The following NEDD9 variants were observed in gnomAD, a reference collection of about 807,000 sequenced individuals.
NEDD9 encodes the protein enhancer of filamentation 1.
Under a neutral mutation model 76.6 loss-of-function variants are expected in NEDD9, and 26 were observed. The observed-to-expected ratio is 0.34, with a 90% CI of 0.25 to 0.47. NEDD9 has a LOEUF of 0.47. Among genes scored for constraint, NEDD9 ranks in the 20% least tolerant of loss-of-function variants. The probability of loss-of-function intolerance (pLI) is 1.00; values close to 1 mark genes in which losing one functional copy is unlikely to be tolerated. For synonymous variants in NEDD9, 392 were observed against 414.2 expected (o/e 0.95, Z 0.65); for missense variants, 937 against 1,058.5 (o/e 0.89, Z 1.59).
chr6:11,310,523 C>A (rs1332011518), intron 2 of NEDD9, among the ~76,000 whole-genome samples: 1 of 152,178 alleles, frequency 6.6e-6, no homozygotes, highest in Non-Finnish European at 1.5e-5. Context: ...GCCACTGCAA[C>A]CTCAGGGCCA....
At chr6:11,235,716 G>T (rs556455576), upstream of NEDD9, among the ~76,000 whole-genome samples, 38 of 152,286 alleles carry the variant, frequency 2.5e-4, 2 homozygotes, top group South Asian at 7.7e-3. This position sits in a 1 kb window ranked among gnomAD's most constrained non-coding sequence, Gnocchi z 4.1. Context: ...GAGATCTAGG[G>T]GATGAGCATT....
At chr6:11,371,104 T>TA (rs1354372701) in intron 1 of NEDD9, among the ~76,000 whole-genome samples, 4 of 152,180 alleles carry the variant, frequency 2.6e-5, no homozygotes, top group South Asian at 2.1e-4. Context: ...TAGCTCCTTT[T>TA]AAAAAAAGAC....
At chr6:11,246,388 G>A (rs917684930) in intron 3 of NEDD9, among the ~76,000 whole-genome samples, 1 of 152,152 alleles carries the variant, frequency 6.6e-6, no homozygotes, top group Admixed American at 6.5e-5. Context: ...GACAGGCAAA[G>A]GCAGATGGAT....
chr6:11,381,484 C>A (rs1457727208), intron 1 of NEDD9, among the ~76,000 whole-genome samples: 1 of 152,130 alleles, frequency 6.6e-6, no homozygotes, highest in Admixed American at 6.5e-5. Flanking sequence ...GGAAGAAAGG[C>A]AATTGAATGA....
At chr6:11,361,826 G>C (rs539806536) in intron 1 of NEDD9, among the ~76,000 whole-genome samples, 1 of 152,284 alleles carries the variant, frequency 6.6e-6, no homozygotes, top group East Asian at 1.9e-4. Flanking sequence ...GGAGTTTGTA[G>C]GAGGGAGAAA....
chr6:11,273,126 C>A (rs1467189972), intron 3 of NEDD9, among the ~76,000 whole-genome samples: 2 of 152,126 alleles, frequency 1.3e-5, no homozygotes, highest in Non-Finnish European at 2.9e-5. Flanking sequence ...TATTGCTTAA[C>A]CGTTGCCCAG....
chr6:11,350,522 A>C (rs555113491), intron 1 of NEDD9, among the ~76,000 whole-genome samples: 16 of 152,318 alleles, frequency 1.1e-4, no homozygotes, highest in African/African-American at 3.6e-4. Flanking sequence ...GGCAACCCCA[A>C]ACAGAAGTCT....
At position 11,213,519 on chromosome 6, in the gene NEDD9, T is replaced by C. The variant is rs1358055521; in HGVS notation, c.221A>G (p.His74Arg). 6.2e-7 allele frequency: 1 copy of C among 1,614,082 alleles called. No individual in the cohort carries two copies. The highest frequency in any genetic ancestry group is 8.5e-7 in the Non-Finnish European group (1 of 1,180,048). The change falls in exon 2 of 7, where the codon CAC becomes CGC. Residue 74 changes from histidine to arginine, a missense_variant. His to Arg is a conservative substitution (Grantham distance 29). Coordinates refer to ENST00000379446, the MANE Select transcript of NEDD9 (RefSeq NM_006403.4). The surrounding 1 kb of genome is among the most constrained non-coding windows in gnomAD (Gnocchi z 5.4). Reference protein sequence around the residue: ...IGPMQETASSHEQPASGLMQQ... With the variant: ...IGPMQETASSREQPASGLMQQ... ...CATCAGTCCAGAGGCAGGCTGCTCG[T>C]GACTGGAGGCAGTCTCCTGCATGGG...
At chr6:11,294,031 A>G (rs59981475) in intron 3 of NEDD9, among the ~76,000 whole-genome samples, 6,583 of 150,664 alleles carry the variant, frequency 0.044, 270 homozygotes, top group African/African-American at 0.11. Flanking sequence ...GTATGTGTGT[A>G]TGTGTGTGTG....
At chr6:11,307,468 A>G (rs1392344516) in intron 2 of NEDD9, among the ~76,000 whole-genome samples, 1 of 152,036 alleles carries the variant, frequency 6.6e-6, no homozygotes, top group Non-Finnish European at 1.5e-5. Context: ...CAGGATGGAG[A>G]AACAAAAGGG....
In NEDD9 at chr6:11,257,366, C is replaced by T. The variant is rs1397249095; in HGVS notation, c.13-43639G>A. Among the ~76,000 whole-genome samples the T allele has an allele frequency of 3.3e-5, 5 of 152,160 alleles. No homozygotes were observed. In the South Asian group the frequency reaches 1.0e-3, roughly 31 times the overall value. On this transcript the variant is annotated intron_variant, in intron 3 of 3. Transcript: ENST00000397378. ...GGCAAAATTGCCCCTAGTTGGGTGT[C>T]CCTGGTGTAGTCCTCCATCCTCATT...
At chr6:11,305,232 T>C in intron 3 of NEDD9, 1 of 883,138 alleles carries the variant, frequency 1.1e-6, no homozygotes, top group Non-Finnish European at 1.6e-6. Flanking sequence ...GAGCATGAGT[T>C]ACTCTATGTG....
At chr6:11,218,887 C>G (rs923627052) in intron 1 of NEDD9, among the ~76,000 whole-genome samples, 7 of 152,168 alleles carry the variant, frequency 4.6e-5, no homozygotes, top group Admixed American at 4.6e-4. Context: ...GCCTGACCCC[C>G]CTGAAACTAG....
At position 11,188,229 on chromosome 6, in the gene NEDD9, C is replaced by T; in HGVS notation, c.1984G>A (p.Glu662Lys). The T allele has an allele frequency of 6.2e-7, 1 of 1,614,100 alleles. No homozygotes were observed. The highest frequency in any genetic ancestry group is 2.2e-5 in the East Asian group (1 of 44,884). ...CTGATTGAACTTACCTGATGATGTT[C>T]CAGCTGCATCTTGTTCTGTTTCATG... ...NIMKQNKMQLEHHQLSQFQLL... is the reference protein window; with the variant it reads ...NIMKQNKMQLKHHQLSQFQLL... The change falls in exon 6 of 7, where the codon GAA becomes AAA. Residue 662 changes from glutamate to lysine, a missense_variant. Physicochemically the swap from Glu to Lys is moderately conservative, Grantham distance 56. Coordinates refer to ENST00000379446, the MANE Select transcript of NEDD9 (RefSeq NM_006403.4).
rs144763754 is a variant in NEDD9, at chr6:11,351,308, G to C, written c.-213-16747C>G. Among the ~76,000 whole-genome samples, 389 of 152,266 alleles carry C rather than the reference G, an allele frequency of 2.6e-3. 2 individuals carry two copies. The highest frequency in any genetic ancestry group is 8.8e-3 in the African/African-American group (367 of 41,552). ...CCCAGGCTGGAATGTGAAGTTCAAGGCCTGGAGCAGAGGGAGCTGAGACTG... is the reference window on the plus strand; with the variant it reads ...CCCAGGCTGGAATGTGAAGTTCAAGCCCTGGAGCAGAGGGAGCTGAGACTG... On this transcript the variant is annotated intron_variant, in intron 1 of 3. Transcript: ENST00000397378.
At chr6:11,206,500 T>A (rs1453054023) in intron 2 of NEDD9, among the ~76,000 whole-genome samples, 1 of 152,222 alleles carries the variant, frequency 6.6e-6, no homozygotes, top group Non-Finnish European at 1.5e-5. Flanking sequence ...TTTCTCTCTC[T>A]CACAGTGTTC....
intron 2 of NEDD9, among the ~76,000 whole-genome samples, chr6:11,322,446 G>A (rs1761829260): frequency 6.6e-6 from 1 of 152,188 alleles, no homozygotes; most frequent in Non-Finnish European, 1.5e-5. Flanking sequence ...CAAACACACA[G>A]AGGCAGGAGA....
chr6:11,233,428 G>A (rs1291738020), upstream of NEDD9: 2 of 518,854 alleles, frequency 3.9e-6, no homozygotes, highest in African/African-American at 3.9e-5. Context: ...CCTCTCGGAT[G>A]GGGTTGGCCA....
At chr6:11,316,773 A>T (rs1461741295) in intron 2 of NEDD9, among the ~76,000 whole-genome samples, 4 of 152,226 alleles carry the variant, frequency 2.6e-5, no homozygotes, top group Non-Finnish European at 5.9e-5. Flanking sequence ...GAGGAAATGG[A>T]TATTTAGCAA....
Sources: gnomAD v4.1 joint callset for allele counts (sites outside exome capture counted in the v4.1 genomes callset) on GRCh38, gnomAD v4.1.1 for gene constraint, Gnocchi (gnomAD v3.1) non-coding constraint, MANE v1.5 for transcripts, NCBI Gene and HGNC (gene_info 2026-07-23, HGNC 2026-07-21) for gene names.